SEMA3A: variants seen among roughly 807,000 people sequenced by gnomAD.
SEMA3A encodes semaphorin-3A.
SEMA3A carries 29 observed loss-of-function variants against 97.9 expected under a neutral mutation model. The ratio of observed to expected loss-of-function variants is 0.30; its 90% CI spans 0.22 to 0.40. The LOEUF (loss-of-function observed/expected upper bound fraction) is 0.40. Among genes scored for constraint, SEMA3A ranks in the 10% least tolerant of loss-of-function variants. SEMA3A has a pLI of 1.00. For missense variants in SEMA3A, 763 were observed against 951.3 expected (o/e 0.80, Z 2.60); for synonymous variants, 321 against 323.7 (o/e 0.99, Z 0.09).
intron 1 of SEMA3A, among the ~76,000 whole-genome samples, chr7:84,463,315 C>T (rs955633923): frequency 1.5e-5 from 2 of 130,756 alleles, no homozygotes; most frequent in African/African-American, 5.9e-5. Flanking sequence ...GTGGCGCAAT[C>T]TCGGCTCACT....
At chr7:84,103,394 A>G (rs1487292441) in intron 4 of SEMA3A, among the ~76,000 whole-genome samples, 3 of 152,094 alleles carry the variant, frequency 2.0e-5, no homozygotes, top group Non-Finnish European at 2.9e-5. Context: ...GGGTACTAAA[A>G]TTTTAAATTA....
chr7:84,069,916 G>C (rs111326666), intron 4 of SEMA3A, among the ~76,000 whole-genome samples: 1 of 152,040 alleles, frequency 6.6e-6, no homozygotes, highest in African/African-American at 2.4e-5. Context: ...ATATAATTGC[G>C]TATTAACACC....
chr7:84,467,525 TA>T (rs56021863), intron 1 of SEMA3A, among the ~76,000 whole-genome samples: 23,951 of 97,254 alleles, frequency 0.25, 2,766 homozygotes, highest in Middle Eastern at 0.34. Context: ...AGACTCCTTC[TA>T]AAAAAAAAAA....
intron 3 of SEMA3A, among the ~76,000 whole-genome samples, chr7:84,289,321 TAAC>T (rs1217050184): frequency 6.6e-6 from 1 of 152,044 alleles, no homozygotes; most frequent in Non-Finnish European, 1.5e-5. Flanking sequence ...TGACCACAGT[TAAC>T]AATAATTTAC....
Position 83,985,481 on chromosome 7 carries a change from A to C in SEMA3A, c.1453-4T>G. 6.2e-7 allele frequency: 1 copy of C among 1,607,036 alleles called. No individual in the cohort carries two copies. The highest frequency in any genetic ancestry group is 8.5e-7 in the Non-Finnish European group (1 of 1,175,132). On this transcript the variant is annotated splice_polypyrimidine_tract_variant and splice_region_variant and intron_variant, in intron 12 of 16. Transcript: ENST00000265362. ...TTGCTGAAATAGCAGTCGGTTCCTA[A>C]AGGAGAAAAAGAAATATGTGAGGTG...
intron 1 of SEMA3A, among the ~76,000 whole-genome samples, chr7:84,488,009 CTA>C (rs1806621295): frequency 2.0e-5 from 3 of 151,936 alleles, no homozygotes; most frequent in African/African-American, 4.8e-5. Flanking sequence ...TAAAAGTAAA[CTA>C]TGTGTTGGTT....
chr7:84,312,524 C>T (rs1801350761), intron 2 of SEMA3A, among the ~76,000 whole-genome samples: 1 of 151,526 alleles, frequency 6.6e-6, no homozygotes, highest in South Asian at 2.1e-4. Flanking sequence ...TTTATTCATA[C>T]ATTAAGATCT....
chr7:84,086,465 TA>T (rs1369171471), intron 4 of SEMA3A, among the ~76,000 whole-genome samples: 6 of 102,698 alleles, frequency 5.8e-5, no homozygotes, highest in Non-Finnish European at 2.1e-5. Context: ...TATTCATATA[TA>T]ATATGTATTA....
chr7:84,157,823 T>A (rs1162077569), intron 1 of SEMA3A, among the ~76,000 whole-genome samples: 2 of 152,178 alleles, frequency 1.3e-5, no homozygotes, highest in Non-Finnish European at 2.9e-5. Flanking sequence ...GCCTCGTGAT[T>A]TGACTACAGC....
chr7:84,063,895 T>A (rs972924794), intron 4 of SEMA3A, among the ~76,000 whole-genome samples: 1 of 150,348 alleles, frequency 6.7e-6, no homozygotes, highest in Non-Finnish European at 1.5e-5. Context: ...CAAGCCAACA[T>A]TGAGATTCAG....
chr7:84,194,246 G>T (rs1316693276), intron 1 of SEMA3A, among the ~76,000 whole-genome samples: 1 of 152,050 alleles, frequency 6.6e-6, no homozygotes, highest in Non-Finnish European at 1.5e-5. Context: ...GCTCTTTTCA[G>T]CAAATGTGAT....
chr7:84,412,742 C>T (rs548226700), intron 1 of SEMA3A, among the ~76,000 whole-genome samples: 1 of 152,256 alleles, frequency 6.6e-6, no homozygotes, highest in East Asian at 1.9e-4. Context: ...AGCTTCTAAA[C>T]TATTTCCATG....
chr7:84,250,255 T>A (rs73709792), intron 3 of SEMA3A, among the ~76,000 whole-genome samples: 2,631 of 145,316 alleles, frequency 0.018, 80 homozygotes, highest in African/African-American at 0.064. Flanking sequence ...TACATTAATA[T>A]TTTTTTTTTT....
intron 4 of SEMA3A, among the ~76,000 whole-genome samples, chr7:84,065,005 C>T (rs1230266323): frequency 6.6e-6 from 1 of 152,068 alleles, no homozygotes; most frequent in African/African-American, 2.4e-5. Context: ...CCAAAATTGA[C>T]CACATACTTG....
intron 1 of SEMA3A, among the ~76,000 whole-genome samples, chr7:84,400,117 C>T (rs113911730): frequency 8.5e-5 from 13 of 152,242 alleles, no homozygotes; most frequent in African/African-American, 2.6e-4. Context: ...CACAGGCTAA[C>T]GGAACTCAAA....
rs530859731 is a variant in SEMA3A, at chr7:84,374,446, T to A, written c.-245-2546A>T. On this transcript the variant is annotated intron_variant, in intron 1 of 3. Transcript: ENST00000424555. Reference sequence around the variant, plus strand: ...ATTAAACACATATCTTTCATACACTTACATTTTATGAATTGATGTGTGTGT... The same window carrying A: ...ATTAAACACATATCTTTCATACACTAACATTTTATGAATTGATGTGTGTGT... Among the ~76,000 whole-genome samples the A allele has an allele frequency of 4.6e-5, 7 of 152,290 alleles. No individual in the cohort carries two copies. In the South Asian group the frequency reaches 1.4e-3, roughly 32 times the overall value.
In SEMA3A at chr7:84,049,460, T is replaced by C. The variant is rs189835545; in HGVS notation, c.548-3017A>G. ...ACAAGCAGTAGTATATTCTACCTTC[T>C]CTTATTTCTCATTAAGTAGAAATGT... On this transcript the variant is annotated intron_variant, in intron 5 of 16. Coordinates refer to ENST00000265362, the MANE Select transcript of SEMA3A (RefSeq NM_006080.3). Among the ~76,000 whole-genome samples, 205 of 152,284 alleles carry C rather than the reference T, an allele frequency of 1.3e-3. 1 individual carries two copies. Among genetic ancestry groups the C allele is most frequent in the African/African-American group, 4.6e-3 (193 of 41,566 alleles).
At chr7:84,077,067 C>T (rs1249703822) in intron 4 of SEMA3A, among the ~76,000 whole-genome samples, 2 of 152,002 alleles carry the variant, frequency 1.3e-5, no homozygotes, top group Admixed American at 6.6e-5. Context: ...TGTTAACTCC[C>T]AAGATGTATA....
At chr7:84,293,190 G>A (rs1221696582) in intron 3 of SEMA3A, among the ~76,000 whole-genome samples, 1 of 151,970 alleles carries the variant, frequency 6.6e-6, no homozygotes, top group African/African-American at 2.4e-5. Flanking sequence ...AAAATTCAAA[G>A]ATCTGTACCA....
Sources: gnomAD v4.1 joint callset for allele counts (sites outside exome capture counted in the v4.1 genomes callset) on GRCh38, gnomAD v4.1.1 for gene constraint, MANE v1.5 for transcripts, NCBI Gene and HGNC (gene_info 2026-07-23, HGNC 2026-07-21) for gene names.